The following MCCC1 variants were observed in gnomAD, a reference collection of about 807,000 sequenced individuals.
The protein encoded by MCCC1 is methylcrotonyl-CoA carboxylase subunit 1.
Under a neutral mutation model 83.8 loss-of-function variants are expected in MCCC1, and 64 were observed. That is an observed-to-expected ratio of 0.76 (90% confidence interval 0.62 to 0.94). The LOEUF (loss-of-function observed/expected upper bound fraction) is 0.94, where lower values mean the gene tolerates loss of function less well. Among genes scored for constraint, MCCC1 ranks in the 40% least tolerant of loss-of-function variants. MCCC1 has a pLI of 0.00. For missense variants in MCCC1, 807 were observed against 904.7 expected (o/e 0.89, Z 1.39); for synonymous variants, 322 against 315.4 (o/e 1.02, Z -0.22).
chr3:183,098,943 T>C, intron 1 of MCCC1: 1 of 286,660 alleles, frequency 3.5e-6, no homozygotes, highest in South Asian at 4.2e-5. Context: ...TCTTACTAGC[T>C]GTGTTTCGTT....
chr3:183,053,650 C>T (rs1715167352), intron 8 of MCCC1, among the ~76,000 whole-genome samples: 1 of 149,210 alleles, frequency 6.7e-6, no homozygotes, highest in South Asian at 2.1e-4. Flanking sequence ...ACTAAAAATA[C>T]AAAAATTAGC....
chr3:183,033,781 T>C (rs1183999125), intron 14 of MCCC1, among the ~76,000 whole-genome samples: 2 of 152,204 alleles, frequency 1.3e-5, no homozygotes, highest in Non-Finnish European at 2.9e-5. Flanking sequence ...ACAAAATTTT[T>C]AAAAAGTGTA....
At chr3:183,101,021 A>G (rs977967364), upstream of MCCC1, among the ~76,000 whole-genome samples, 3 of 152,256 alleles carry the variant, frequency 2.0e-5, no homozygotes, top group Non-Finnish European at 4.4e-5. Context: ...ACCCCGGGCA[A>G]TGGGGGACTT....
intron 3 of MCCC1, chr3:183,091,140 C>G (rs897456476): frequency 2.4e-6 from 1 of 421,600 alleles, no homozygotes; most frequent in South Asian, 1.7e-5. Flanking sequence ...GCCACAAGGG[C>G]CTGCTGTACA....
chr3:183,033,537 A>G (rs1713255980), intron 14 of MCCC1, among the ~76,000 whole-genome samples: 1 of 152,150 alleles, frequency 6.6e-6, no homozygotes, highest in Non-Finnish European at 1.5e-5. Flanking sequence ...TCCACCTGAA[A>G]CCCCTGAAAC....
Position 183,041,567 on chromosome 3 carries a change from C to T in MCCC1, c.1267G>A (p.Gly423Arg). The change falls in exon 11 of 19, where the codon GGA becomes AGA. Residue 423 changes from glycine to arginine, a missense_variant and splice_region_variant. Gly to Arg is a moderately radical substitution (Grantham distance 125). Coordinates refer to ENST00000265594, the MANE Select transcript of MCCC1 (RefSeq NM_020166.5). ...STRIETGVRQ[G>R]DEVSVHYDPM... ...GACTTTTCATTTTCTTTCACTTTAC[C>T]TTGCCGTACTCCAGTTTCAATCCTG... 3 of 1,613,882 alleles carry T rather than the reference C, an allele frequency of 1.9e-6. No individual in the cohort carries two copies. The highest frequency in any genetic ancestry group is 8.5e-7 in the Non-Finnish European group (1 of 1,179,856).
At position 183,037,137 on chromosome 3, in the gene MCCC1, T is replaced by A. The variant is rs1713676352; in HGVS notation, c.1594+81A>T. On this transcript the variant is annotated intron_variant, in intron 13 of 18. Coordinates refer to ENST00000265594, the MANE Select transcript of MCCC1 (RefSeq NM_020166.5). ...ACTGAGAGGAGAAAAGAGAGGTCAG[T>A]GTGCCATACAGAAAGAAAAGCATGT... 14 of 1,311,516 alleles carry A rather than the reference T, an allele frequency of 1.1e-5. No individual in the cohort carries two copies. The South Asian group carries it at 1.7e-4, about 16-fold the overall frequency. 81.2% of individuals were successfully genotyped at this position (1,311,516 alleles called of 1,614,324 possible).
intron 13 of MCCC1, among the ~76,000 whole-genome samples, chr3:183,034,467 A>C (rs971568933): frequency 9.3e-5 from 14 of 150,958 alleles, no homozygotes; most frequent in African/African-American, 2.7e-4. Context: ...AAAAAAAAAA[A>C]AACAAAAAAA....
intron 17 of MCCC1, 99 bp downstream of exon 17, chr3:183,020,031 G>A (rs1577235352): frequency 1.1e-6 from 1 of 904,958 alleles, no homozygotes; most frequent in Non-Finnish European, 1.8e-6. Flanking sequence ...GCTTTCCAAT[G>A]AGCAAGGTTT....
intron 8 of MCCC1, among the ~76,000 whole-genome samples, chr3:183,056,567 G>C (rs1560240647): frequency 1.3e-5 from 2 of 152,084 alleles, no homozygotes; most frequent in African/African-American, 2.4e-5. Context: ...TAACCAGTAA[G>C]GCAGGAAAAT....
chr3:183,105,800 C>T (rs1283041577), intron 1 of MCCC1, among the ~76,000 whole-genome samples: 1 of 151,980 alleles, frequency 6.6e-6, no homozygotes, highest in Non-Finnish European at 1.5e-5. Flanking sequence ...CAAAAGACTG[C>T]CAAAATTGGC....
chr3:183,098,129 C>T (rs2108575561), intron 1 of MCCC1, among the ~76,000 whole-genome samples: 1 of 152,290 alleles, frequency 6.6e-6, no homozygotes, highest in South Asian at 2.1e-4. Flanking sequence ...CGGGGTTTCA[C>T]CGTGTTATCC....
At chr3:183,031,491 CTTTTT>C (rs66507233) in intron 14 of MCCC1, among the ~76,000 whole-genome samples, 1 of 72,698 alleles carries the variant, frequency 1.4e-5, no homozygotes, top group Non-Finnish European at 2.4e-5. Flanking sequence ...CTTCTGGCAC[CTTTTT>C]TTTTTTTTTT....
Position 183,062,909 on chromosome 3 carries a change from GAGAC to G in MCCC1, c.762-5491_762-5488del, listed in dbSNP as rs541139851. Among the ~76,000 whole-genome samples the G allele has an allele frequency of 2.6e-4, 40 of 152,290 alleles. No homozygotes were observed. The South Asian group carries it at 8.1e-3, about 31-fold the overall frequency. On this transcript the variant is annotated intron_variant, in intron 7 of 18. Transcript: ENST00000265594. ...CAGCCACTGCCAGAGTACGGCCAGA[GAGAC>G]AGACAGATGCAGTTGAGTCCTATCA... is the stretch of plus-strand genomic sequence containing the variant.
chr3:183,042,256 G>T (rs1189998818), intron 10 of MCCC1, among the ~76,000 whole-genome samples: 1 of 152,144 alleles, frequency 6.6e-6, no homozygotes, highest in African/African-American at 2.4e-5. Context: ...AGGGGAAAAT[G>T]ATGGTTTTTC....
At chr3:183,109,989 T>A (rs1294531351) in intron 1 of MCCC1, among the ~76,000 whole-genome samples, 1 of 152,256 alleles carries the variant, frequency 6.6e-6, no homozygotes, top group East Asian at 1.9e-4. Flanking sequence ...TGATTTGTAT[T>A]TCTCTAATGA....
chr3:183,058,086 A>G (rs1715556465), intron 7 of MCCC1, among the ~76,000 whole-genome samples: 1 of 152,218 alleles, frequency 6.6e-6, no homozygotes, highest in Admixed American at 6.5e-5. Context: ...CAAACTGTCA[A>G]AGAAAAGACT....
chr3:183,058,426 G>A (rs1355553768), intron 7 of MCCC1, among the ~76,000 whole-genome samples: 1 of 152,056 alleles, frequency 6.6e-6, no homozygotes, highest in Non-Finnish European at 1.5e-5. Context: ...GACCAGCCTG[G>A]GCAACATAGT....
intron 1 of MCCC1, among the ~76,000 whole-genome samples, chr3:183,111,738 T>A (rs760585915): frequency 6.6e-6 from 1 of 152,210 alleles, no homozygotes; most frequent in African/African-American, 2.4e-5. Flanking sequence ...TTAAACCTTC[T>A]CCAAATGAAG....
Sources: allele counts gnomAD v4.1 joint callset (sites outside exome capture counted in the v4.1 genomes callset), GRCh38; gene constraint gnomAD v4.1.1; transcripts MANE v1.5; gene names NCBI Gene and HGNC (gene_info 2026-07-23, HGNC 2026-07-21).